Variants in SATL1 observed in about 807,000 individuals in gnomAD.
The protein encoded by SATL1 is spermidine/spermine N(1)-acetyltransferase-like protein 1.
In SATL1, 47 loss-of-function variants were observed where a neutral mutation model predicts 51.8. That is an observed-to-expected ratio of 0.91 (90% CI 0.72 to 1.16). The LOEUF is 1.16. Ranked by LOEUF, SATL1 falls within the 50% of genes most tolerant of loss-of-function variation. The pLI is 0.00. For synonymous variants in SATL1, 176 were observed against 182.4 expected (o/e 0.97, Z 0.28); for missense variants, 520 against 526.4 (o/e 0.99, Z 0.12).
chrX:85,160,015 G>A (rs1007487116), intron 2 of SATL1, among the ~76,000 whole-genome samples: 3 of 92,660 alleles, frequency 3.2e-5, no homozygotes, highest in African/African-American at 1.1e-4. Context: ...AGAAAACAAA[G>A]TCGGGGCCCA....
rs753141781 is a variant in SATL1 at position 85,105,075 on chromosome X, T to C, written c.1642-1160A>G. Among the ~76,000 whole-genome samples, 38 of 111,924 alleles carry C rather than the reference T, an allele frequency of 3.4e-4. No individual in the cohort carries two copies. In the South Asian group the frequency reaches 0.012, roughly 35 times the overall value. ...AGATCATCTCCCCTCATTACTCTTC[T>C]TTTTTGAATTTTTAAAATGTTTCTA... On this transcript the variant is annotated intron_variant, in intron 3 of 7. Coordinates refer to ENST00000644105, the MANE Select transcript of SATL1 (RefSeq NM_001367857.2).
chrX:85,207,099 A>T (rs1927804859), intron 2 of SATL1: 2 of 111,702 alleles, frequency 1.8e-5, no homozygotes, highest in South Asian at 7.5e-4. Context: ...TATTTGTCTC[A>T]GAGAGTAGAA....
In SATL1 at chrX:85,181,154, TACAC is replaced by T. The variant is rs1301547805; in HGVS notation, c.-313+43047_-313+43050del. Among the ~76,000 whole-genome samples, 3 of 103,956 alleles carry T rather than the reference TACAC, an allele frequency of 2.9e-5. No individual in the cohort carries two copies. The East Asian group carries it at 9.0e-4, about 31-fold the overall frequency. The allele number at this position is 103,956 out of a possible 115,157, so 90.3% of individuals were successfully genotyped here. ...GTGACAGAGTATATACACATACTCA[TACAC>T]ACAGACAGATATATATATATGTGTG... On this transcript the variant is annotated intron_variant, in intron 2 of 7. Transcript: ENST00000644105.
chrX:85,107,408 T>C lies in SATL1; in HGVS notation c.1561A>G (p.Met521Val), dbSNP rs762630772. Reference sequence around the variant, plus strand: ...AAGTAATCCATGCTTGTTTGCCTCATGCCCATTTGGCTCACACTTGGTTGG... The same window carrying C: ...AAGTAATCCATGCTTGTTTGCCTCACGCCCATTTGGCTCACACTTGGTTGG... ...RSQPSVSQMGMRQTSMDYFQI... is the reference protein window; with the variant it reads ...RSQPSVSQMGVRQTSMDYFQI... The change falls in exon 3 of 8, where the codon ATG becomes GTG. Residue 521 changes from methionine (M) to valine (V), a missense_variant. Coordinates refer to ENST00000644105, the MANE Select transcript of SATL1 (RefSeq NM_001367857.2). 1.6e-6 allele frequency: 2 copies of C among 1,212,398 alleles called. No individual in the cohort carries two copies. Among genetic ancestry groups the C allele is most frequent in the East Asian group, 5.9e-5 (2 of 33,858 alleles).
At chrX:85,138,286 G>T (rs1393159582) in intron 2 of SATL1, among the ~76,000 whole-genome samples, 2 of 111,396 alleles carry the variant, frequency 1.8e-5, no homozygotes, top group African/African-American at 6.5e-5. Context: ...CTTAGTGTCT[G>T]CTGTAGTTGT....
At position 85,113,385 on chromosome X, in the gene SATL1, TG is replaced by T. The variant is rs752411941; in HGVS notation, c.-312-4106del. 8.0e-4 allele frequency among the ~76,000 whole-genome samples: 89 copies of T among 111,507 alleles called. 1 individual carries two copies. The highest frequency in any genetic ancestry group is 2.8e-3 in the African/African-American group (85 of 30,685). ...TAATGCCTGCTAAGAGTTAGGTGCA[TG>T]GGGTTGCTAGCTGATTTCAATATGT... On this transcript the variant is annotated intron_variant, in intron 2 of 7. Coordinates refer to ENST00000644105, the MANE Select transcript of SATL1 (RefSeq NM_001367857.2).
chrX:85,129,584 T>A (rs1043604689), intron 2 of SATL1, among the ~76,000 whole-genome samples: 1 of 111,743 alleles, frequency 8.9e-6, no homozygotes, highest in Non-Finnish European at 1.9e-5. Flanking sequence ...CAATCATGTC[T>A]TCTGCAAACA....
chrX:85,166,108 C>A (rs759034326), intron 2 of SATL1, among the ~76,000 whole-genome samples: 1 of 111,563 alleles, frequency 9.0e-6, no homozygotes, highest in African/African-American at 3.3e-5. Context: ...TTATCTCTCA[C>A]CTTGTTAAAA....
At chrX:85,139,843 T>A (rs1347457370) in intron 2 of SATL1, among the ~76,000 whole-genome samples, 1 of 111,811 alleles carries the variant, frequency 8.9e-6, no homozygotes, top group African/African-American at 3.2e-5. Context: ...ACCTGCCTTT[T>A]AAAAATATTT....
At chrX:85,105,780 G>A (rs1602833005) in intron 3 of SATL1, among the ~76,000 whole-genome samples, 1 of 111,930 alleles carries the variant, frequency 8.9e-6, no homozygotes. Context: ...TAGGACAAAT[G>A]GACATAAAAT....
At chrX:85,203,330 C>T (rs923182344) in intron 2 of SATL1, among the ~76,000 whole-genome samples, 3 of 111,459 alleles carry the variant, frequency 2.7e-5, no homozygotes, top group Admixed American at 9.5e-5. Context: ...AGTCTGGCCA[C>T]GTTTTGGTAG....
intron 2 of SATL1, chrX:85,153,993 A>G (rs971683758): frequency 2.7e-5 from 3 of 112,118 alleles, no homozygotes; most frequent in African/African-American, 6.5e-5. Flanking sequence ...AATGAATATA[A>G]TTTATCATGC....
At chrX:85,185,794 C>T (rs952469137) in intron 2 of SATL1, among the ~76,000 whole-genome samples, 13 of 110,673 alleles carry the variant, frequency 1.2e-4, no homozygotes, top group African/African-American at 4.3e-4. Context: ...ATCATGGATG[C>T]CAGGAGCCCA....
At chrX:85,115,084 A>T (rs780184074) in intron 2 of SATL1, among the ~76,000 whole-genome samples, 3 of 111,860 alleles carry the variant, frequency 2.7e-5, no homozygotes, top group African/African-American at 9.8e-5. Context: ...AGGAAGTGGA[A>T]GGAAGTGAGA....
At chrX:85,112,521 G>A (rs142566932) in intron 2 of SATL1, among the ~76,000 whole-genome samples, 2,911 of 111,328 alleles carry the variant, frequency 0.026, 110 homozygotes, top group African/African-American at 0.09. Flanking sequence ...TCCCTTGGGC[G>A]GGGCTGTCTA....
intron 2 of SATL1, among the ~76,000 whole-genome samples, chrX:85,137,194 G>GTT (rs1925980915): frequency 9.0e-6 from 1 of 111,509 alleles, no homozygotes; most frequent in Non-Finnish European, 1.9e-5. Flanking sequence ...ATGCAGAGAA[G>GTT]TTTATAGTTG....
rs186264867 is a variant in SATL1, at chrX:85,107,799, A to G, written c.1170T>C (p.Gly390=). The part of the protein sequence containing the change: ...VMWQLDMRQS[G]GSQPSMRQVG... ...CTTGTCTCATGCTTGGTTGGCTCCC[A>G]CCTGACTGTCTCATGTCTAGTTGCC... Residue 390 remains glycine (G), a synonymous_variant, in exon 3 of 8, where the codon GGT becomes GGC. Coordinates refer to ENST00000644105, the MANE Select transcript of SATL1 (RefSeq NM_001367857.2). 3.5e-5 allele frequency: 42 copies of G among 1,208,319 alleles called. No individual in the cohort carries two copies. Among genetic ancestry groups the G allele is most frequent in the Non-Finnish European group, 4.5e-5 (40 of 894,773 alleles).
chrX:85,147,580 G>A (rs1926291383), intron 2 of SATL1, among the ~76,000 whole-genome samples: 1 of 111,905 alleles, frequency 8.9e-6, no homozygotes, highest in Non-Finnish European at 1.9e-5. Context: ...CCCCAGTAGG[G>A]GCAGACTGAC....
chrX:85,179,246 T>C (rs1927148661), intron 2 of SATL1, among the ~76,000 whole-genome samples: 1 of 112,142 alleles, frequency 8.9e-6, no homozygotes, highest in Admixed American at 9.5e-5. Context: ...ATTTACACAA[T>C]ACCTCTGACA....
Sources: allele counts gnomAD v4.1 joint callset (sites outside exome capture counted in the v4.1 genomes callset), GRCh38; gene constraint gnomAD v4.1.1; transcripts MANE v1.5; gene names NCBI Gene and HGNC (gene_info 2026-07-23, HGNC 2026-07-21).